Variants in UBE4B observed in about 807,000 individuals in gnomAD.
The protein encoded by UBE4B is ubiquitin conjugation factor E4 B.
In UBE4B, 27 loss-of-function variants were observed where a neutral mutation model predicts 148.1. That is an observed-to-expected ratio of 0.18 (90% CI 0.13 to 0.25). The LOEUF is 0.25. UBE4B is among the 10% of genes least tolerant of loss of function. UBE4B has a pLI of 1.00. For missense variants in UBE4B, 1,170 were observed against 1,662.4 expected (o/e 0.70, Z 5.15); for synonymous variants, 596 against 619.3 (o/e 0.96, Z 0.56).
At chr1:10,132,190 A>C (rs1645607863) in intron 14 of UBE4B, among the ~76,000 whole-genome samples, 179 bp from the exon 15 acceptor site, 1 of 152,120 alleles carries the variant, frequency 6.6e-6, no homozygotes, top group Non-Finnish European at 1.5e-5. Context: ...TTTCATGCTC[A>C]TTACTTTGAC....
At chr1:10,079,900 G>A (rs1311974306) in intron 2 of UBE4B, among the ~76,000 whole-genome samples, 1 of 152,152 alleles carries the variant, frequency 6.6e-6, no homozygotes, top group African/African-American at 2.4e-5. Flanking sequence ...GTTAATAAAT[G>A]GCTTCTGTCT....
intron 10 of UBE4B, among the ~76,000 whole-genome samples, chr1:10,123,593 G>A (rs1645445692): frequency 6.6e-6 from 1 of 152,124 alleles, no homozygotes; most frequent in Non-Finnish European, 1.5e-5. Flanking sequence ...GTGACCAGCT[G>A]AAAGGGGTAT....
At chr1:10,083,684 G>A (rs1049243008) in intron 2 of UBE4B, among the ~76,000 whole-genome samples, 2 of 152,138 alleles carry the variant, frequency 1.3e-5, no homozygotes, top group African/African-American at 2.4e-5. Flanking sequence ...GCTGCAGCAG[G>A]AACCCTAAAA....
chr1:10,072,426 A>T, intron 2 of UBE4B: 1 of 680,580 alleles, frequency 1.5e-6, no homozygotes, highest in South Asian at 1.7e-5. Flanking sequence ...TTCTTTCCAT[A>T]ACTTCCATCT....
At chr1:10,113,693 A>T (rs1222018790) in intron 7 of UBE4B, among the ~76,000 whole-genome samples, 4 of 152,186 alleles carry the variant, frequency 2.6e-5, no homozygotes, top group Admixed American at 2.6e-4. Context: ...CTGAGTTCAC[A>T]GGCACGCTCA....
chr1:10,149,288 T>C lies in UBE4B; in HGVS notation c.2690+6T>C. The stretch of plus-strand genomic sequence containing the variant: ...TTTTTATTTTTTATTGTACAGTAAG[T>C]GCCTTTAATATTTTACATAGTTCTA... On this transcript the variant is annotated splice_donor_region_variant and intron_variant, in intron 20 of 27. Coordinates refer to ENST00000343090, the MANE Select transcript of UBE4B (RefSeq NM_001105562.3). 6.3e-7 allele frequency: 1 copy of C among 1,587,150 alleles called. No homozygotes were observed. The highest frequency in any genetic ancestry group is 8.6e-7 in the Non-Finnish European group (1 of 1,166,294).
chr1:10,088,663 G>A (rs184369454), intron 2 of UBE4B, among the ~76,000 whole-genome samples: 11 of 149,100 alleles, frequency 7.4e-5, no homozygotes, highest in Admixed American at 5.4e-4. Context: ...GAGCCACCAC[G>A]CCTGACCGTA....
chr1:10,102,415 TTTTTTTTTTTTTTG>T (rs1645029581), intron 4 of UBE4B, among the ~76,000 whole-genome samples: 1 of 98,788 alleles, frequency 1.0e-5, no homozygotes, highest in African/African-American at 4.5e-5. Context: ...TTTTTTTTTT[TTTTTTTTTTTTTTG>T]AGACAGGGCC....
chr1:10,062,102 G>A (rs980498009), intron 1 of UBE4B, among the ~76,000 whole-genome samples: 7 of 151,664 alleles, frequency 4.6e-5, no homozygotes, highest in African/African-American at 1.7e-4. Flanking sequence ...TAGAGACGGT[G>A]TTTCACCATG....
At chr1:10,160,065 G>A (rs1367713398) in intron 22 of UBE4B, among the ~76,000 whole-genome samples, 1 of 152,222 alleles carries the variant, frequency 6.6e-6, no homozygotes, top group Non-Finnish European at 1.5e-5. Context: ...TAGTTGCACA[G>A]TTGTAGACCC....
chr1:10,149,400 CTGAA>C lies in UBE4B; in HGVS notation c.2690+121_2690+124del, dbSNP rs1645934715. 1.1e-5 allele frequency: 8 copies of C among 753,576 alleles called. No individual in the cohort carries two copies. The South Asian group carries it at 1.5e-4, about 14-fold the overall frequency. The allele number at this position is 753,576 out of a possible 1,614,324, so 46.7% of individuals were successfully genotyped here. ...CTGAAATTTGATGTAACTGTTTTAA[CTGAA>C]TGCTGCCTAGAGACTGGAAAAAATA... On this transcript the variant is annotated intron_variant, in intron 20 of 27. Coordinates refer to ENST00000343090, the MANE Select transcript of UBE4B (RefSeq NM_001105562.3).
At chr1:10,153,707 T>G (rs1646018577) in intron 21 of UBE4B, among the ~76,000 whole-genome samples, 1 of 152,146 alleles carries the variant, frequency 6.6e-6, no homozygotes, top group African/African-American at 2.4e-5. Flanking sequence ...CCCAGCATTT[T>G]GGAAGACTGA....
intron 1 of UBE4B, among the ~76,000 whole-genome samples, chr1:10,050,133 G>A (rs1429736844): frequency 6.6e-6 from 1 of 152,078 alleles, no homozygotes; most frequent in Non-Finnish European, 1.5e-5. Flanking sequence ...GAGTGCAGTG[G>A]CGCTCTTGGC....
chr1:10,171,036 AT>A, intron 24 of UBE4B, 101 bp from the exon 25 acceptor site: 1 of 1,278,004 alleles, frequency 7.8e-7, no homozygotes. Context: ...TTCTTTGAAG[AT>A]TAATCCAACC....
rs5772395 is a variant in UBE4B, at chr1:10,082,632, C to CTT, written c.211+10442_211+10443dup. Among the ~76,000 whole-genome samples the CTT allele has an allele frequency of 1.9e-3, 201 of 105,892 alleles. 2 individuals are homozygous for CTT. Among genetic ancestry groups the CTT allele is most frequent in the African/African-American group, 6.7e-3 (182 of 27,316 alleles). 69.5% of individuals were successfully genotyped at this position (105,892 alleles called of 152,430 possible). On this transcript the variant is annotated intron_variant, in intron 2 of 27. Transcript: ENST00000343090. ...ACTGTAGGTCCTATTAAGAAGGCGA[C>CTT]TTTTTTTTTTTTTTTTTTTTTTTTT...
chr1:10,071,773 C>A (rs1271444360), intron 1 of UBE4B, among the ~76,000 whole-genome samples: 1 of 152,102 alleles, frequency 6.6e-6, no homozygotes, highest in Non-Finnish European at 1.5e-5. Flanking sequence ...CAAGCGATTA[C>A]CCCCACCTCA....
chr1:10,097,796 T>C (rs1024653986), intron 3 of UBE4B, among the ~76,000 whole-genome samples: 2 of 151,904 alleles, frequency 1.3e-5, no homozygotes, highest in Admixed American at 1.3e-4. Context: ...GGCAACAGAG[T>C]GAGACTTTGT....
At chr1:10,093,702 CT>C (rs1006488677) in intron 2 of UBE4B, among the ~76,000 whole-genome samples, 25 of 143,818 alleles carry the variant, frequency 1.7e-4, no homozygotes, top group Non-Finnish European at 3.2e-4. Flanking sequence ...TTTTTTTTTT[CT>C]TTTTTTTTTG....
chr1:10,170,973 T>G, intron 24 of UBE4B, 165 bp from the exon 25 acceptor site: 1 of 606,954 alleles, frequency 1.6e-6, no homozygotes, highest in East Asian at 2.9e-5. Flanking sequence ...GGGAGTAAAG[T>G]TGAAATATAA....
Sources: gnomAD v4.1 joint callset for allele counts (sites outside exome capture counted in the v4.1 genomes callset) on GRCh38, gnomAD v4.1.1 for gene constraint, MANE v1.5 for transcripts, NCBI Gene and HGNC (gene_info 2026-07-23, HGNC 2026-07-21) for gene names.